SETBP1: variants seen among roughly 807,000 people sequenced by gnomAD.
SETBP1 encodes the protein SET-binding protein.
In SETBP1, 9 loss-of-function variants were observed where a neutral mutation model predicts 101.0. The observed-to-expected ratio is 0.09, with a 90% CI of 0.05 to 0.16. The LOEUF (loss-of-function observed/expected upper bound fraction) is 0.16, where lower values mean the gene tolerates loss of function less well. Among genes scored for constraint, SETBP1 ranks in the 10% least tolerant of loss-of-function variants. The pLI is 1.00. For missense variants in SETBP1, 1,858 were observed against 2,033.8 expected, an observed-to-expected ratio of 0.91 and a Z score of 1.66; for synonymous variants, 818 against 788.5, an observed-to-expected ratio of 1.04 and a Z score of -0.63.
chr18:44,789,462 A>G (rs1320914115), intron 2 of SETBP1, among the ~76,000 whole-genome samples: 1 of 152,208 alleles, frequency 6.6e-6, no homozygotes, highest in Non-Finnish European at 1.5e-5. Flanking sequence ...CTTTCAGTTT[A>G]TTGAAGAATA....
chr18:44,917,143 G>T (rs925578490), intron 3 of SETBP1, among the ~76,000 whole-genome samples: 1 of 152,212 alleles, frequency 6.6e-6, no homozygotes, highest in Non-Finnish European at 1.5e-5. Flanking sequence ...AGATATCAGG[G>T]AAAGGACACC....
intron 1 of SETBP1, among the ~76,000 whole-genome samples, chr18:44,686,419 G>C (rs958021181): frequency 6.6e-6 from 1 of 152,166 alleles, no homozygotes; most frequent in African/African-American, 2.4e-5. Flanking sequence ...CAGGTGGCCA[G>C]CTAGTTGCAC....
At chr18:44,822,049 C>A (rs887819369) in intron 2 of SETBP1, among the ~76,000 whole-genome samples, 1 of 152,212 alleles carries the variant, frequency 6.6e-6, no homozygotes, top group African/African-American at 2.4e-5. Flanking sequence ...CCCTTTATTT[C>A]TTTGATTTCC....
chr18:44,917,416 A>T lies in SETBP1; in HGVS notation c.541-32465A>T, dbSNP rs150134020. Among the ~76,000 whole-genome samples the T allele has an allele frequency of 1.8e-4, 28 of 152,144 alleles. No homozygotes were observed. In the East Asian group the frequency reaches 5.4e-3, roughly 29 times the overall value. On this transcript the variant is annotated intron_variant, in intron 3 of 5. Coordinates refer to ENST00000649279, the MANE Select transcript of SETBP1 (RefSeq NM_015559.3). ...CTGATCCCAGAGTTACTCAGCTTTTACTTTCTTTATTTGTTTATGCTCCAG... is the reference window on the plus strand; with the variant it reads ...CTGATCCCAGAGTTACTCAGCTTTTTCTTTCTTTATTTGTTTATGCTCCAG...
intron 4 of SETBP1, among the ~76,000 whole-genome samples, chr18:44,995,416 T>C (rs1260640238): frequency 3.3e-5 from 5 of 152,058 alleles, no homozygotes; most frequent in Admixed American, 6.5e-5. Context: ...GCTGGGATTA[T>C]AGGCGTGAGC....
intron 2 of SETBP1, among the ~76,000 whole-genome samples, chr18:44,801,399 C>T (rs577571327): frequency 1.2e-4 from 18 of 152,154 alleles, no homozygotes; most frequent in Non-Finnish European, 2.4e-4. Flanking sequence ...GGGCATTAGA[C>T]AGAGAATGAG....
chr18:45,021,223 G>A (rs777545833), intron 4 of SETBP1, among the ~76,000 whole-genome samples: 2 of 152,152 alleles, frequency 1.3e-5, no homozygotes, highest in Non-Finnish European at 2.9e-5. Flanking sequence ...ATTAAACAAG[G>A]CATGAAATTT....
At chr18:44,714,278 A>G (rs1019972008) in intron 2 of SETBP1, among the ~76,000 whole-genome samples, 1 of 151,892 alleles carries the variant, frequency 6.6e-6, no homozygotes, top group Non-Finnish European at 1.5e-5. Flanking sequence ...CGCTCACTGT[A>G]ACCTCCACCT....
intron 3 of SETBP1, among the ~76,000 whole-genome samples, chr18:44,938,958 ATGTG>A (rs111916615): frequency 7.1e-4 from 104 of 147,340 alleles, no homozygotes; most frequent in South Asian, 6.1e-3. Context: ...GAGTGTGTGC[ATGTG>A]TGTGTGTGTG....
At chr18:44,941,564 TATTCTC>T (rs1440857667) in intron 3 of SETBP1, among the ~76,000 whole-genome samples, 3 of 152,164 alleles carry the variant, frequency 2.0e-5, no homozygotes, top group Non-Finnish European at 2.9e-5. Context: ...AATCTTTTGG[TATTCTC>T]ATTATCAGTC....
chr18:44,736,129 A>C (rs2069960919), intron 2 of SETBP1, among the ~76,000 whole-genome samples: 1 of 152,162 alleles, frequency 6.6e-6, no homozygotes, highest in East Asian at 1.9e-4. Context: ...TCATGCCTGT[A>C]ATCCCAGCAC....
chr18:44,859,511 C>G lies in SETBP1; in HGVS notation c.487-9719C>G, dbSNP rs573958181. Among the ~76,000 whole-genome samples the G allele has an allele frequency of 5.9e-5, 9 of 152,338 alleles. 1 individual carries two copies. The highest frequency in any genetic ancestry group is 5.9e-4 in the Admixed American group (9 of 15,306). On this transcript the variant is annotated intron_variant, in intron 2 of 5. Transcript: ENST00000649279. ...TCAGAGCTATGTCCACATTCCAGTT[C>G]TGCCACTTTTTGCTGTCATAACCTT...
At chr18:44,908,059 T>C (rs2144864950) in intron 3 of SETBP1, among the ~76,000 whole-genome samples, 1 of 137,238 alleles carries the variant, frequency 7.3e-6, no homozygotes, top group African/African-American at 2.6e-5. Context: ...TCCTTCTTTT[T>C]TATTTTTTAT....
At chr18:44,812,045 C>T (rs113342049) in intron 2 of SETBP1, among the ~76,000 whole-genome samples, 1,582 of 152,318 alleles carry the variant, frequency 0.01, 34 homozygotes, top group African/African-American at 0.036. Flanking sequence ...GCCCCATCAA[C>T]ATACCCAGGG....
intron 2 of SETBP1, among the ~76,000 whole-genome samples, chr18:44,844,353 G>GCGCA (rs1406482456): frequency 0.018 from 2,536 of 138,242 alleles, 25 homozygotes; most frequent in Middle Eastern, 0.028. Context: ...ACACACGCGC[G>GCGCA]CACACACACA....
intron 2 of SETBP1, among the ~76,000 whole-genome samples, chr18:44,754,603 A>T (rs2070453984): frequency 6.6e-6 from 1 of 152,196 alleles, no homozygotes; most frequent in Non-Finnish European, 1.5e-5. Context: ...TGGCCTCTTA[A>T]AATAAGTACC....
Position 44,723,979 on chromosome 18 carries a change from A to G in SETBP1, c.486+22147A>G, listed in dbSNP as rs1019707011. ...TCTCGTTTTTAACGAGCCAAGAGAC[A>G]GAACTATTAATTACATGGGAAGGAG... is the stretch of plus-strand genomic sequence containing the variant. On this transcript the variant is annotated intron_variant, in intron 2 of 5. Coordinates refer to ENST00000649279, the MANE Select transcript of SETBP1 (RefSeq NM_015559.3). Among the ~76,000 whole-genome samples, 13 of 152,350 alleles carry G rather than the reference A, an allele frequency of 8.5e-5. No individual in the cohort carries two copies. The South Asian group carries it at 2.1e-3, about 24-fold the overall frequency.
intron 4 of SETBP1, among the ~76,000 whole-genome samples, chr18:44,969,188 A>G (rs772992055): frequency 3.9e-5 from 6 of 152,152 alleles, no homozygotes; most frequent in Non-Finnish European, 8.8e-5. Context: ...GCTAAACTCG[A>G]TATCTTTACA....
chr18:44,999,973 G>A (rs11082419), intron 4 of SETBP1, among the ~76,000 whole-genome samples: 27,637 of 152,166 alleles, frequency 0.18, 2,704 homozygotes, highest in Non-Finnish European at 0.22. Flanking sequence ...AAAATCATGT[G>A]TCTTTCTTGT....
Sources: allele counts gnomAD v4.1 joint callset (sites outside exome capture counted in the v4.1 genomes callset), GRCh38; gene constraint gnomAD v4.1.1; transcripts MANE v1.5; gene names NCBI Gene and HGNC (gene_info 2026-07-23, HGNC 2026-07-21).